The following SNX13 variants were observed in gnomAD, a reference collection of about 807,000 sequenced individuals.
SNX13 encodes the protein sorting nexin-13.
Under a neutral mutation model 133.6 loss-of-function variants are expected in SNX13, and 45 were observed. The observed-to-expected ratio is 0.34, with a 90% CI of 0.27 to 0.43. The LOEUF (loss-of-function observed/expected upper bound fraction) is 0.43. SNX13 is among the 20% of genes least tolerant of loss of function. The pLI is 1.00. For missense variants in SNX13, 1,032 were observed against 1,145.1 expected (o/e 0.90, Z 1.43); for synonymous variants, 414 against 373.9 (o/e 1.11, Z -1.24).
chr7:17,885,313 A>T (rs546164103), intron 5 of SNX13, among the ~76,000 whole-genome samples: 229 of 151,294 alleles, frequency 1.5e-3, no homozygotes, highest in African/African-American at 5.4e-3. Context: ...AAAAAAAAAA[A>T]GATTAGTGGT....
chr7:17,834,675 T>TA (rs1171633029), intron 14 of SNX13, 86 bp downstream of exon 14: 3 of 815,232 alleles, frequency 3.7e-6, no homozygotes, highest in East Asian at 5.7e-5. Flanking sequence ...ACTCTACTTT[T>TA]AGAAAGTTTT....
chr7:17,901,844 G>C (rs1048322780), intron 1 of SNX13, among the ~76,000 whole-genome samples: 1 of 152,214 alleles, frequency 6.6e-6, no homozygotes, highest in African/African-American at 2.4e-5. Context: ...TGTTGTTCCT[G>C]TGGAGAGGAC....
At chr7:17,822,196 G>A (rs1478671046) in intron 17 of SNX13, among the ~76,000 whole-genome samples, 1 of 151,650 alleles carries the variant, frequency 6.6e-6, no homozygotes, top group Non-Finnish European at 1.5e-5. Context: ...GGTTTATTCT[G>A]GGGATTTTTT....
chr7:17,834,936 A>C, intron 13 of SNX13, 71 bp from the exon 14 acceptor site: 1 of 869,032 alleles, frequency 1.2e-6, no homozygotes, highest in South Asian at 1.8e-5. Flanking sequence ...TAGTATGATA[A>C]TAATGGAATC....
intron 25 of SNX13, chr7:17,794,845 CA>C (rs1414005670): frequency 6.6e-6 from 1 of 151,442 alleles, no homozygotes; most frequent in African/African-American, 2.4e-5. Flanking sequence ...CCCTGATCTA[CA>C]AAAACCCCTG....
At chr7:17,901,121 A>G (rs78343638) in intron 1 of SNX13, among the ~76,000 whole-genome samples, 2,262 of 152,204 alleles carry the variant, frequency 0.015, 59 homozygotes, top group African/African-American at 0.052. Context: ...TCTGGGAGGT[A>G]GGGCCTGGAA....
At chr7:17,857,814 A>G (rs1273738814) in intron 9 of SNX13, among the ~76,000 whole-genome samples, 1 of 152,172 alleles carries the variant, frequency 6.6e-6, no homozygotes, top group Admixed American at 6.5e-5. Context: ...AACACATTAA[A>G]AAGATTATTC....
intron 5 of SNX13, among the ~76,000 whole-genome samples, chr7:17,877,202 T>G (rs1794830517): frequency 6.6e-6 from 1 of 151,794 alleles, no homozygotes; most frequent in African/African-American, 2.4e-5. Flanking sequence ...GAAAACAAAT[T>G]AACATAAAAA....
chr7:17,869,416 A>G (rs1190473234), intron 8 of SNX13, among the ~76,000 whole-genome samples: 2 of 152,156 alleles, frequency 1.3e-5, no homozygotes, highest in African/African-American at 4.8e-5. Flanking sequence ...AGTAGATTCT[A>G]TAAATACAAT....
At chr7:17,881,153 G>A (rs1400082648) in intron 5 of SNX13, 2 of 151,916 alleles carry the variant, frequency 1.3e-5, no homozygotes, top group South Asian at 2.1e-4. Flanking sequence ...AAATGACTAC[G>A]AAGACCTTTT....
chr7:17,911,536 G>A (rs942768274), intron 1 of SNX13, among the ~76,000 whole-genome samples: 2 of 151,914 alleles, frequency 1.3e-5, no homozygotes, highest in African/African-American at 4.8e-5. Flanking sequence ...CTGCTCTGGA[G>A]GCTAAGGCAG....
At chr7:17,860,954 T>C (rs1792599121) in intron 9 of SNX13, among the ~76,000 whole-genome samples, 1 of 152,222 alleles carries the variant, frequency 6.6e-6, no homozygotes, top group South Asian at 2.1e-4. Flanking sequence ...TAAATTGCTC[T>C]GGGCAGTATG....
At chr7:17,805,256 C>CGCGCGCGCGCGCGT (rs147939166) in intron 20 of SNX13, among the ~76,000 whole-genome samples, 2 of 58,236 alleles carry the variant, frequency 3.4e-5, no homozygotes, top group Admixed American at 3.3e-4. Context: ...TGTGTGCGTG[C>CGCGCGCGCGCGCGT]GCGCGCGCGC....
intron 1 of SNX13, among the ~76,000 whole-genome samples, chr7:17,903,545 C>G (rs1361079307): frequency 6.6e-6 from 1 of 152,136 alleles, no homozygotes; most frequent in Non-Finnish European, 1.5e-5. Context: ...ATTTCCTCAC[C>G]TATGTCATGT....
At chr7:17,871,799 G>GT (rs1454723195) in intron 8 of SNX13, among the ~76,000 whole-genome samples, 3 of 152,170 alleles carry the variant, frequency 2.0e-5, no homozygotes, top group Non-Finnish European at 4.4e-5. Flanking sequence ...GATAAGGTCT[G>GT]TTTTTTACTA....
At chr7:17,819,178 T>TA (rs1260706934) in intron 18 of SNX13, among the ~76,000 whole-genome samples, 2 of 152,208 alleles carry the variant, frequency 1.3e-5, no homozygotes, top group Non-Finnish European at 2.9e-5. Flanking sequence ...AAATATCAAA[T>TA]AAGATTATTA....
At chr7:17,821,735 A>T in intron 17 of SNX13, 87 bp from the exon 18 acceptor site, 1 of 1,438,440 alleles carries the variant, frequency 7.0e-7, no homozygotes, top group Non-Finnish European at 9.4e-7. Context: ...AAGGAGGAAG[A>T]TGAAGAAAAC....
chr7:17,879,616 C>T (rs1447547467), intron 5 of SNX13: 1 of 152,186 alleles, frequency 6.6e-6, no homozygotes. Flanking sequence ...ATGCCAATCC[C>T]TTAAAAAGGC....
At chr7:17,879,112 C>G (rs1408096422) in intron 5 of SNX13, among the ~76,000 whole-genome samples, 1 of 152,196 alleles carries the variant, frequency 6.6e-6, no homozygotes, top group African/African-American at 2.4e-5. Context: ...CTTTTTATAG[C>G]TCTTACAACC....
Sources: gnomAD v4.1 joint callset for allele counts (sites outside exome capture counted in the v4.1 genomes callset) on GRCh38, gnomAD v4.1.1 for gene constraint, MANE v1.5 for transcripts, NCBI Gene and HGNC (gene_info 2026-07-23, HGNC 2026-07-21) for gene names.